TOMM70: variants seen among roughly 807,000 people sequenced by gnomAD.
TOMM70 encodes translocase of outer mitochondrial membrane 70, also known as mitochondrial import receptor subunit TOM70.
Under a neutral mutation model 73.6 loss-of-function variants are expected in TOMM70, and 13 were observed. That is an observed-to-expected ratio of 0.18 (90% CI 0.11 to 0.28). TOMM70 has a LOEUF of 0.28. TOMM70 is among the 10% of genes least tolerant of loss of function. The pLI is 1.00. For missense variants in TOMM70, 609 were observed against 747.5 expected (o/e 0.81, Z 2.16); for synonymous variants, 257 against 271.2 (o/e 0.95, Z 0.51).
intron 1 of TOMM70, among the ~76,000 whole-genome samples, chr3:100,387,257 G>T (rs1205936709): frequency 6.6e-6 from 1 of 152,078 alleles, no homozygotes; most frequent in Non-Finnish European, 1.5e-5. Flanking sequence ...GACCAGCCTG[G>T]GCAACGTGTC....
chr3:100,373,160 A>C (rs1706529205), intron 8 of TOMM70, among the ~76,000 whole-genome samples: 1 of 150,102 alleles, frequency 6.7e-6, no homozygotes, highest in East Asian at 2.0e-4. Context: ...AAAAAAAAAC[A>C]ACCTTTTGAG....
Position 100,369,908 on chromosome 3 carries a change from C to A in TOMM70, c.1453-773G>T, listed in dbSNP as rs143447141. ...AAATTATTGATTTTTTAAAAAGCAG[C>A]TATAACTGCTTCAACTAATATATCT... is the stretch of plus-strand genomic sequence containing the variant. On this transcript the variant is annotated intron_variant, in intron 9 of 11. Transcript: ENST00000284320. Among the ~76,000 whole-genome samples the A allele has an allele frequency of 1.1e-4, 16 of 152,232 alleles. No homozygotes were observed. In the East Asian group the frequency reaches 2.9e-3, roughly 28 times the overall value.
chr3:100,367,144 C>T (rs1364534925), intron 11 of TOMM70, among the ~76,000 whole-genome samples: 1 of 152,152 alleles, frequency 6.6e-6, no homozygotes, highest in Admixed American at 6.5e-5. Context: ...TCACTTGAAC[C>T]TGGGAGGCAG....
intron 5 of TOMM70, among the ~76,000 whole-genome samples, chr3:100,378,840 A>G (rs1706595372): frequency 6.6e-6 from 1 of 152,122 alleles, no homozygotes; most frequent in Non-Finnish European, 1.5e-5. Context: ...CCCCATCTCT[A>G]ATAAAAATAC....
chr3:100,366,765 G>A (rs1361035017), intron 11 of TOMM70, among the ~76,000 whole-genome samples: 1 of 152,202 alleles, frequency 6.6e-6, no homozygotes. Context: ...GAGGTCTTTA[G>A]TTAACCCAGG....
Position 100,377,813 on chromosome 3 carries a change from C to T in TOMM70, c.984G>A (p.Met328Ile), listed in dbSNP as rs1234591059. ...TAGCTCGTAGTAGCAATGCTTCTGC[C>T]ATGTATTTGCCTTCAGCATCTATTT... ...SKEIDAEGKY[M>I]AEALLLRATF... is the part of the protein sequence containing the mutation. The change falls in exon 6 of 12, where the codon ATG (methionine) becomes ATA (isoleucine). Residue 328 changes from methionine to isoleucine, a missense_variant. Physicochemically the swap from Met to Ile is conservative, Grantham distance 10. Transcript: ENST00000284320. 2 of 1,614,210 alleles carry T rather than the reference C, an allele frequency of 1.2e-6. No homozygotes were observed. Among genetic ancestry groups the T allele is most frequent in the Admixed American group, 1.7e-5 (1 of 60,026 alleles).
At chr3:100,385,777 T>C (rs1235904605) in intron 3 of TOMM70, among the ~76,000 whole-genome samples, 1 of 152,142 alleles carries the variant, frequency 6.6e-6, no homozygotes, top group Non-Finnish European at 1.5e-5. Context: ...TGTTTGAAAA[T>C]ACCAAGGGCA....
chr3:100,400,067 C>T (rs1706874569), intron 1 of TOMM70, among the ~76,000 whole-genome samples: 1 of 152,184 alleles, frequency 6.6e-6, no homozygotes. Context: ...CCATTTCACT[C>T]TTTAGAACCT....
At chr3:100,394,561 T>C (rs886915952) in intron 1 of TOMM70, among the ~76,000 whole-genome samples, 3 of 152,208 alleles carry the variant, frequency 2.0e-5, no homozygotes, top group Admixed American at 6.5e-5. Context: ...TGGAGTGCAA[T>C]GGCAGGATCT....
rs1332251878 is a variant in TOMM70 at position 100,363,983 on chromosome 3, CT to C, written c.*1580del. On this transcript the variant is annotated 3_prime_UTR_variant, in exon 12 of 12. Coordinates refer to ENST00000284320, the MANE Select transcript of TOMM70 (RefSeq NM_014820.5). ...TTTGGTTTCAACAGAATTAAGCACC[CT>C]TAAGGGGTGTAAAAATGCTCCTTTA... 1 of 152,110 alleles carries C rather than the reference CT, an allele frequency of 6.6e-6. No individual in the cohort carries two copies. Among genetic ancestry groups the C allele is most frequent in the Non-Finnish European group, 1.5e-5 (1 of 68,006 alleles). 9.4% of individuals were successfully genotyped at this position (152,110 alleles called of 1,614,324 possible).
At chr3:100,393,360 C>T (rs1325163943) in intron 1 of TOMM70, among the ~76,000 whole-genome samples, 1 of 151,952 alleles carries the variant, frequency 6.6e-6, no homozygotes, top group African/African-American at 2.4e-5. Flanking sequence ...AAACCAAATA[C>T]CATATGTTCT....
intron 1 of TOMM70, 24 bp downstream of exon 1, chr3:100,400,602 C>T: frequency 1.9e-6 from 3 of 1,605,128 alleles, no homozygotes; most frequent in Middle Eastern, 1.7e-4. Context: ...GTTTCCTCCT[C>T]TACGGCCTGG....
intron 5 of TOMM70, among the ~76,000 whole-genome samples, chr3:100,380,845 G>T (rs1460530090): frequency 6.6e-6 from 1 of 152,082 alleles, no homozygotes; most frequent in African/African-American, 2.4e-5. Flanking sequence ...AAAATTGGAA[G>T]ATAAAAATCA....
At chr3:100,384,362 A>C in intron 4 of TOMM70, 117 bp downstream of exon 4, 1 of 615,936 alleles carries the variant, frequency 1.6e-6, no homozygotes, top group East Asian at 2.7e-5. Context: ...AATATAACCC[A>C]GTTCTAATTG....
At chr3:100,383,796 T>C (rs568630330) in intron 4 of TOMM70, among the ~76,000 whole-genome samples, 1 of 152,206 alleles carries the variant, frequency 6.6e-6, no homozygotes, top group Non-Finnish European at 1.5e-5. Flanking sequence ...CAGTGATGTT[T>C]AGTGATGCCT....
chr3:100,380,814 A>T (rs949872612), intron 5 of TOMM70, among the ~76,000 whole-genome samples: 1 of 152,220 alleles, frequency 6.6e-6, no homozygotes, highest in African/African-American at 2.4e-5. Flanking sequence ...CTTCTCTTAA[A>T]AGGTCAATAG....
intron 4 of TOMM70, 63 bp downstream of exon 4, chr3:100,384,416 A>G: frequency 8.6e-7 from 1 of 1,169,430 alleles, no homozygotes; most frequent in Non-Finnish European, 1.2e-6. Flanking sequence ...AGCAGCATAA[A>G]TTAGAAAATA....
chr3:100,394,397 G>C (rs1309119433), intron 1 of TOMM70, among the ~76,000 whole-genome samples: 1 of 135,800 alleles, frequency 7.4e-6, no homozygotes, highest in Non-Finnish European at 1.5e-5. Flanking sequence ...GTTTTGCTCT[G>C]TCGCCCAGGG....
chr3:100,399,921 G>A (rs541605756), intron 1 of TOMM70, among the ~76,000 whole-genome samples: 1 of 152,118 alleles, frequency 6.6e-6, no homozygotes, highest in South Asian at 2.1e-4. Flanking sequence ...CTTGGGGCTG[G>A]GGCATGGCAG....
Sources: gnomAD v4.1 joint callset for allele counts (sites outside exome capture counted in the v4.1 genomes callset) on GRCh38, gnomAD v4.1.1 for gene constraint, MANE v1.5 for transcripts, NCBI Gene and HGNC (gene_info 2026-07-23, HGNC 2026-07-21) for gene names.